MRPL3: variants seen among roughly 807,000 people sequenced by gnomAD.
MRPL3 encodes the protein large ribosomal subunit protein uL3m.
In MRPL3, 43 loss-of-function variants were observed where a neutral mutation model predicts 44.3. The observed-to-expected ratio is 0.97, with a 90% CI of 0.76 to 1.25. MRPL3 has a LOEUF of 1.25. Ranked by LOEUF, MRPL3 falls within the 50% of genes most tolerant of loss-of-function variation. The pLI is 0.00. For synonymous variants in MRPL3, 171 were observed against 152.3 expected (o/e 1.12, Z -0.91); for missense variants, 406 against 427.6 (o/e 0.95, Z 0.45).
chr3:131,470,038 T>C (rs532703962), intron 7 of MRPL3, among the ~76,000 whole-genome samples: 84 of 152,000 alleles, frequency 5.5e-4, no homozygotes, highest in Middle Eastern at 3.4e-3. Flanking sequence ...GACCTAATAC[T>C]GGCTAAGAAT....
chr3:131,481,682 A>G (rs1420070276), intron 6 of MRPL3, among the ~76,000 whole-genome samples: 1 of 152,106 alleles, frequency 6.6e-6, no homozygotes, highest in Non-Finnish European at 1.5e-5. Context: ...CCCAACAACT[A>G]AATATAACCC....
At position 131,462,642 on chromosome 3, in the gene MRPL3, G is replaced by A; in HGVS notation, c.*81C>T. Reference sequence around the variant, plus strand: ...ATTTTGTTGTGACTAAGAAAGGAGAGTATGATTTCTGGTGGTTATGATATC... The same window carrying A: ...ATTTTGTTGTGACTAAGAAAGGAGAATATGATTTCTGGTGGTTATGATATC... On this transcript the variant is annotated 3_prime_UTR_variant, in exon 10 of 10. Transcript: ENST00000264995. 1.5e-6 allele frequency: 2 copies of A among 1,330,530 alleles called. No individual in the cohort carries two copies. Among genetic ancestry groups the A allele is most frequent in the Non-Finnish European group, 2.0e-6 (2 of 976,478 alleles). The allele number at this position is 1,330,530 out of a possible 1,614,324, so 82.4% of individuals were successfully genotyped here.
rs1017118686 is a variant in MRPL3, at chr3:131,471,322, T to C, written c.630-43A>G. The stretch of plus-strand genomic sequence containing the variant: ...TAGAATTTACATAATGAAAAGAGCA[T>C]AGACCATTCCCAATTGTACACTTTC... On this transcript the variant is annotated intron_variant, in intron 6 of 9. Coordinates refer to ENST00000264995, the MANE Select transcript of MRPL3 (RefSeq NM_007208.4). 3.0e-6 allele frequency: 4 copies of C among 1,335,450 alleles called. No individual in the cohort carries two copies. In the African/African-American group the frequency reaches 4.3e-5, roughly 14 times the overall value. 82.7% of individuals were successfully genotyped at this position (1,335,450 alleles called of 1,614,324 possible). A position where few individuals can be genotyped will look rare whatever the true frequency, so the allele number is the denominator to read the frequency against.
At chr3:131,465,199 T>C (rs1312718981) in intron 9 of MRPL3, among the ~76,000 whole-genome samples, 2 of 152,240 alleles carry the variant, frequency 1.3e-5, no homozygotes, top group African/African-American at 4.8e-5. Flanking sequence ...TGATGCCAGT[T>C]TCTCAAAATG....
At chr3:131,493,224 C>A (rs1454819217) in intron 4 of MRPL3, among the ~76,000 whole-genome samples, 1 of 152,170 alleles carries the variant, frequency 6.6e-6, no homozygotes, top group Non-Finnish European at 1.5e-5. Context: ...GAAGAGGGAA[C>A]AGCAGGTAGA....
chr3:131,496,784 A>C (rs1022954624), intron 4 of MRPL3, among the ~76,000 whole-genome samples: 6 of 152,206 alleles, frequency 3.9e-5, no homozygotes, highest in Non-Finnish European at 8.8e-5. Flanking sequence ...TAGTTAACTA[A>C]TTTAACAATC....
chr3:131,475,138 C>T (rs1258841889), intron 6 of MRPL3, among the ~76,000 whole-genome samples: 3 of 152,060 alleles, frequency 2.0e-5, no homozygotes, highest in African/African-American at 7.2e-5. Context: ...CTAGATAATA[C>T]ATCAACATAT....
intron 9 of MRPL3, among the ~76,000 whole-genome samples, chr3:131,465,795 T>C (rs1933586975): frequency 6.6e-6 from 1 of 152,170 alleles, no homozygotes; most frequent in African/African-American, 2.4e-5. Flanking sequence ...ACTGCCTTAC[T>C]TGGGGACTAG....
At chr3:131,489,824 T>TAA (rs372802949) in intron 5 of MRPL3, among the ~76,000 whole-genome samples, 157 bp downstream of exon 5, 13 of 116,960 alleles carry the variant, frequency 1.1e-4, no homozygotes, top group East Asian at 2.5e-4. Flanking sequence ...GTTTTTCCAC[T>TAA]AAAAAAAAAA....
At chr3:131,465,752 C>T (rs1392661132) in intron 9 of MRPL3, among the ~76,000 whole-genome samples, 1 of 152,152 alleles carries the variant, frequency 6.6e-6, no homozygotes, top group African/African-American at 2.4e-5. Flanking sequence ...AATGACAATA[C>T]TCTGGCTTCA....
At chr3:131,480,826 T>C (rs757043000) in intron 6 of MRPL3, among the ~76,000 whole-genome samples, 2 of 152,210 alleles carry the variant, frequency 1.3e-5, no homozygotes, top group South Asian at 2.1e-4. Context: ...ATTTCTTTAG[T>C]ATAGATAAGG....
chr3:131,501,436 G>A, intron 2 of MRPL3, 95 bp downstream of exon 2: 3 of 1,065,610 alleles, frequency 2.8e-6, no homozygotes, highest in Non-Finnish European at 4.1e-6. Context: ...ATAAATTCAA[G>A]AAATGATAAA....
intron 9 of MRPL3, among the ~76,000 whole-genome samples, chr3:131,467,199 G>T (rs78759709): frequency 6.6e-6 from 1 of 151,844 alleles, no homozygotes; most frequent in African/African-American, 2.4e-5. Flanking sequence ...TTATTCTAGC[G>T]TGTGTGTGCA....
At chr3:131,476,416 C>G (rs1013145646) in intron 6 of MRPL3, among the ~76,000 whole-genome samples, 3 of 152,210 alleles carry the variant, frequency 2.0e-5, no homozygotes, top group Admixed American at 1.3e-4. Flanking sequence ...CTAATCTATA[C>G]TTAGTATAGC....
chr3:131,486,364 C>CAAAAAAAAAAA (rs36151946), intron 6 of MRPL3, among the ~76,000 whole-genome samples: 7 of 46,706 alleles, frequency 1.5e-4, no homozygotes, highest in Admixed American at 4.3e-4. Context: ...TTCTGCACGG[C>CAAAAAAAAAAA]AAAAAAAAAA....
chr3:131,479,900 A>G (rs190530890), intron 6 of MRPL3, among the ~76,000 whole-genome samples: 21 of 152,334 alleles, frequency 1.4e-4, no homozygotes, highest in African/African-American at 4.6e-4. Flanking sequence ...ACTGAATATA[A>G]AAGCAAAATG....
chr3:131,467,287 T>G (rs1417310519), intron 9 of MRPL3, among the ~76,000 whole-genome samples: 1 of 151,966 alleles, frequency 6.6e-6, no homozygotes, highest in Non-Finnish European at 1.5e-5. Context: ...CCACATCTTC[T>G]TTATCCATTC....
At chr3:131,482,020 A>G (rs1238015215) in intron 6 of MRPL3, among the ~76,000 whole-genome samples, 1 of 152,236 alleles carries the variant, frequency 6.6e-6, no homozygotes, top group Non-Finnish European at 1.5e-5. Flanking sequence ...TTCACTCAAC[A>G]GTGTACTGGG....
intron 3 of MRPL3, among the ~76,000 whole-genome samples, chr3:131,499,899 T>G (rs1267977392): frequency 6.6e-6 from 1 of 152,120 alleles, no homozygotes; most frequent in African/African-American, 2.4e-5. Flanking sequence ...CAGAATAGAG[T>G]ATCTTTTACA....
Sources: gnomAD v4.1 joint callset for allele counts (sites outside exome capture counted in the v4.1 genomes callset) on GRCh38, gnomAD v4.1.1 for gene constraint, MANE v1.5 for transcripts, NCBI Gene and HGNC (gene_info 2026-07-23, HGNC 2026-07-21) for gene names.